Variants in ZNF804A observed in about 807,000 individuals in gnomAD.
The protein encoded by ZNF804A is zinc finger protein 804A.
In ZNF804A, 2 loss-of-function variants were observed where a neutral mutation model predicts 16.5. The observed-to-expected ratio is 0.12, with a 90% CI of 0.05 to 0.38. ZNF804A has a LOEUF of 0.38. Among genes scored for constraint, ZNF804A ranks in the 10% least tolerant of loss-of-function variants. The pLI, the probability that ZNF804A is intolerant of heterozygous loss-of-function variation, is 0.99. For synonymous variants in ZNF804A, 534 were observed against 489.6 expected (o/e 1.09, Z -1.20); for missense variants, 1,473 against 1,390.7 (o/e 1.06, Z -0.94).
intron 1 of ZNF804A, among the ~76,000 whole-genome samples, chr2:184,737,783 T>A (rs1422153082): frequency 1.3e-5 from 2 of 152,034 alleles, no homozygotes; most frequent in African/African-American, 4.8e-5. Flanking sequence ...AGGACAAGAA[T>A]TGCATTTGAA....
chr2:184,882,830 A>G (rs1468132874), intron 2 of ZNF804A, among the ~76,000 whole-genome samples: 1 of 151,992 alleles, frequency 6.6e-6, no homozygotes. Context: ...ACATTAAAAA[A>G]CTAGAGAGAT....
At chr2:184,806,599 G>A (rs1694808790) in intron 1 of ZNF804A, among the ~76,000 whole-genome samples, 1 of 151,620 alleles carries the variant, frequency 6.6e-6, no homozygotes, top group South Asian at 2.1e-4. Flanking sequence ...TGTAGATATT[G>A]TTTAATATAC....
chr2:184,854,768 A>G (rs1415929530), intron 1 of ZNF804A, among the ~76,000 whole-genome samples: 1 of 151,942 alleles, frequency 6.6e-6, no homozygotes, highest in Non-Finnish European at 1.5e-5. Context: ...TAAAGCTAAA[A>G]TGAAGATCTT....
At chr2:184,657,094 T>C (rs1425869707) in intron 1 of ZNF804A, among the ~76,000 whole-genome samples, 1 of 152,190 alleles carries the variant, frequency 6.6e-6, no homozygotes, top group Non-Finnish European at 1.5e-5. Context: ...TGAGATAGAA[T>C]TCTTTTTAGT....
rs556749407 is a variant in ZNF804A, at chr2:184,842,365, C to T, written c.112-24004C>T. Among the ~76,000 whole-genome samples, 14 of 152,292 alleles carry T rather than the reference C, an allele frequency of 9.2e-5. No individual in the cohort carries two copies. The South Asian group carries it at 2.9e-3, about 32-fold the overall frequency. Reference sequence around the variant, plus strand: ...GTTGCATGATGATCTTTCAAAGCATCTGGGGAACCCCTGTGATGTGACACC... The same window carrying T: ...GTTGCATGATGATCTTTCAAAGCATTTGGGGAACCCCTGTGATGTGACACC... On this transcript the variant is annotated intron_variant, in intron 1 of 3. Transcript: ENST00000302277.
At chr2:184,787,271 G>A (rs1325288713) in intron 1 of ZNF804A, among the ~76,000 whole-genome samples, 1 of 151,796 alleles carries the variant, frequency 6.6e-6, no homozygotes, top group Non-Finnish European at 1.5e-5. Context: ...AGACGCTTAG[G>A]TTGGTTTCAT....
At chr2:184,840,982 G>A (rs972504996) in intron 1 of ZNF804A, among the ~76,000 whole-genome samples, 17 of 152,110 alleles carry the variant, frequency 1.1e-4, no homozygotes, top group Admixed American at 7.2e-4. Flanking sequence ...TGCTGCAAGC[G>A]AACAATGGAA....
At chr2:184,914,712 C>T (rs761465828) in intron 2 of ZNF804A, among the ~76,000 whole-genome samples, 5 of 151,900 alleles carry the variant, frequency 3.3e-5, no homozygotes, top group Admixed American at 6.6e-5. Flanking sequence ...ATATACATAA[C>T]ATTTTTGAAA....
intron 1 of ZNF804A, among the ~76,000 whole-genome samples, chr2:184,702,960 T>C (rs575617567): frequency 1.3e-5 from 2 of 152,288 alleles, no homozygotes; most frequent in South Asian, 2.1e-4. Context: ...GTAAATATTG[T>C]TTGAATATCT....
At chr2:184,620,504 A>G (rs971115939) in intron 1 of ZNF804A, among the ~76,000 whole-genome samples, 4 of 151,772 alleles carry the variant, frequency 2.6e-5, no homozygotes, top group Admixed American at 2.0e-4. Flanking sequence ...AATTGGCAAA[A>G]CGAACTCATC....
intron 1 of ZNF804A, among the ~76,000 whole-genome samples, chr2:184,739,385 T>C (rs1428609761): frequency 1.3e-5 from 2 of 152,126 alleles, no homozygotes; most frequent in Non-Finnish European, 2.9e-5. Flanking sequence ...AAAAAGATGA[T>C]TTCATGACTT....
rs1467701513 is a variant in ZNF804A at position 184,717,146 on chromosome 2, G to A, written c.111+118076G>A. ...GATTTACTGAAATTTATTGAAAAAT[G>A]GCAGATGGAGATAATATTTATAAAT... is the stretch of plus-strand genomic sequence containing the variant. On this transcript the variant is annotated intron_variant, in intron 1 of 3. Transcript: ENST00000302277. Among the ~76,000 whole-genome samples the A allele has an allele frequency of 2.0e-5, 3 of 152,222 alleles. No homozygotes were observed. In the East Asian group the frequency reaches 5.8e-4, roughly 29 times the overall value.
chr2:184,908,010 G>T (rs990847008), intron 2 of ZNF804A, among the ~76,000 whole-genome samples: 19 of 152,048 alleles, frequency 1.2e-4, no homozygotes, highest in African/African-American at 4.6e-4. Context: ...CTGCCCGGTT[G>T]TGATATGTTT....
intron 1 of ZNF804A, among the ~76,000 whole-genome samples, chr2:184,761,485 G>C (rs1451348992): frequency 6.6e-6 from 1 of 152,068 alleles, no homozygotes; most frequent in African/African-American, 2.4e-5. Context: ...AAATAGCATT[G>C]CAAGTTTTTA....
chr2:184,674,891 A>G (rs1692397083), intron 1 of ZNF804A, among the ~76,000 whole-genome samples: 1 of 151,918 alleles, frequency 6.6e-6, no homozygotes, highest in African/African-American at 2.4e-5. Flanking sequence ...AAGAAAAAGA[A>G]ACAGTCTTAT....
At chr2:184,666,420 C>T (rs553684337) in intron 1 of ZNF804A, among the ~76,000 whole-genome samples, 57 of 152,104 alleles carry the variant, frequency 3.7e-4, no homozygotes, top group Non-Finnish European at 4.4e-4. Context: ...ATTCAAAATA[C>T]ATGTACTCTA....
chr2:184,910,947 G>T (rs867849721), intron 2 of ZNF804A, among the ~76,000 whole-genome samples: 6 of 151,894 alleles, frequency 4.0e-5, no homozygotes, highest in African/African-American at 4.8e-5. Context: ...TTTGTTGATA[G>T]TTTCTTTTGA....
At chr2:184,886,359 T>C (rs1421068497) in intron 2 of ZNF804A, among the ~76,000 whole-genome samples, 5 of 152,174 alleles carry the variant, frequency 3.3e-5, no homozygotes, top group African/African-American at 1.2e-4. Flanking sequence ...CCAGCTGCTT[T>C]CACAGGCTGG....
intron 1 of ZNF804A, among the ~76,000 whole-genome samples, chr2:184,719,648 T>C (rs1017243751): frequency 6.6e-6 from 1 of 152,146 alleles, no homozygotes; most frequent in Non-Finnish European, 1.5e-5. Context: ...AGGGGCAAAA[T>C]ACAGCCAGTC....
Sources: allele counts gnomAD v4.1 joint callset (sites outside exome capture counted in the v4.1 genomes callset), GRCh38; gene constraint gnomAD v4.1.1; transcripts MANE v1.5; gene names NCBI Gene and HGNC (gene_info 2026-07-23, HGNC 2026-07-21).